The following IGF2BP2 variants were observed in gnomAD, a reference collection of about 807,000 sequenced individuals.
IGF2BP2 encodes the protein insulin like growth factor 2 mRNA binding protein 2.
Under a neutral mutation model 75.8 loss-of-function variants are expected in IGF2BP2, and 17 were observed. The observed-to-expected ratio is 0.22, with a 90% CI of 0.15 to 0.34. The LOEUF (loss-of-function observed/expected upper bound fraction) is 0.34, where lower values mean the gene tolerates loss of function less well. Among genes scored for constraint, IGF2BP2 ranks in the 10% least tolerant of loss-of-function variants. The pLI, the probability that IGF2BP2 is intolerant of heterozygous loss-of-function variation, is 1.00. For synonymous variants in IGF2BP2, 288 were observed against 295.6 expected, an observed-to-expected ratio of 0.97 and a Z score of 0.26; for missense variants, 516 against 772.4, an observed-to-expected ratio of 0.67 and a Z score of 3.93.
intron 2 of IGF2BP2, among the ~76,000 whole-genome samples, chr3:185,764,300 C>T (rs767894288): frequency 5.9e-5 from 9 of 152,144 alleles, no homozygotes; most frequent in Non-Finnish European, 1.2e-4. Context: ...ATTTTTTAAG[C>T]AGGAATGTGA....
In IGF2BP2 at chr3:185,666,628, C is replaced by CAATA. The variant is rs530756178; in HGVS notation, c.1200+5909_1200+5912dup. Among the ~76,000 whole-genome samples the CAATA allele has an allele frequency of 8.0e-3, 1,206 of 150,938 alleles. 21 individuals are homozygous for CAATA. Among genetic ancestry groups the CAATA allele is most frequent in the African/African-American group, 0.027 (1,104 of 41,068 alleles). On this transcript the variant is annotated intron_variant, in intron 10 of 15. Coordinates refer to ENST00000382199, the MANE Select transcript of IGF2BP2 (RefSeq NM_006548.6). The stretch of plus-strand genomic sequence containing the variant: ...TGGGCGACAGAGCAAGACTCCAACT[C>CAATA]AATAAATAAATAAATAAATAAATAT...
rs148582602 is a variant in IGF2BP2 at position 185,730,026 on chromosome 3, G to A, written c.240-31679C>T. Among the ~76,000 whole-genome samples, 758 of 152,222 alleles carry A rather than the reference G, an allele frequency of 5.0e-3. 3 individuals carry two copies. Among genetic ancestry groups the A allele is most frequent in the African/African-American group, 0.017 (718 of 41,524 alleles). On this transcript the variant is annotated intron_variant, in intron 2 of 15. Transcript: ENST00000382199. The stretch of plus-strand genomic sequence containing the variant: ...AGGGGTATGTGTGCAGGTTTGTTAC[G>A]TGGATATACTGCATAATGAAGTTTG...
At chr3:185,815,741 T>C (rs1193929970) in intron 2 of IGF2BP2, among the ~76,000 whole-genome samples, 2 of 152,232 alleles carry the variant, frequency 1.3e-5, no homozygotes, top group East Asian at 3.9e-4. Context: ...TATTTTTTTT[T>C]CCTTGATAAT....
intron 15 of IGF2BP2, among the ~76,000 whole-genome samples, chr3:185,646,370 C>T (rs987909215): frequency 6.6e-6 from 1 of 152,212 alleles, no homozygotes; most frequent in Non-Finnish European, 1.5e-5. Flanking sequence ...AGCAGGCTGA[C>T]AGCTTAGACA....
intron 2 of IGF2BP2, among the ~76,000 whole-genome samples, chr3:185,802,248 T>A (rs771428396): frequency 2.6e-5 from 4 of 151,388 alleles, no homozygotes; most frequent in Non-Finnish European, 5.9e-5. Flanking sequence ...GAGGTTCTGA[T>A]CACTAGTCCT....
At chr3:185,755,079 G>A (rs1477390112) in intron 2 of IGF2BP2, among the ~76,000 whole-genome samples, 1 of 152,144 alleles carries the variant, frequency 6.6e-6, no homozygotes, top group East Asian at 1.9e-4. Context: ...CAAGACAATG[G>A]GGGAAAAAAG....
intron 15 of IGF2BP2, chr3:185,646,757 G>GAACC (rs1371036245): frequency 4.3e-6 from 2 of 464,678 alleles, no homozygotes; most frequent in South Asian, 2.2e-5. Flanking sequence ...AGGGGGCTTG[G>GAACC]AACCACATGG....
At chr3:185,729,691 C>A (rs2149507813) in intron 2 of IGF2BP2, 1 of 152,264 alleles carries the variant, frequency 6.6e-6, no homozygotes, top group African/African-American at 2.4e-5. Flanking sequence ...TGGCAACTAA[C>A]CTTTAAGAAA....
chr3:185,650,794 C>T (rs1223350589), intron 13 of IGF2BP2, among the ~76,000 whole-genome samples: 1 of 152,218 alleles, frequency 6.6e-6, no homozygotes, highest in Non-Finnish European at 1.5e-5. Context: ...ATAAAAACCT[C>T]ATAACTATTG....
intron 12 of IGF2BP2, among the ~76,000 whole-genome samples, chr3:185,656,254 C>G (rs563875963): frequency 6.6e-6 from 1 of 152,372 alleles, no homozygotes; most frequent in East Asian, 1.9e-4. Context: ...TCACCTGCAG[C>G]AGGACTGCTG....
chr3:185,731,246 CTTTT>C (rs760172663), intron 2 of IGF2BP2, among the ~76,000 whole-genome samples: 3 of 129,246 alleles, frequency 2.3e-5, no homozygotes, highest in Admixed American at 7.9e-5. Context: ...GCATCACTTT[CTTTT>C]TTTTTTTTTT....
chr3:185,803,469 T>A (rs766045183), intron 2 of IGF2BP2, among the ~76,000 whole-genome samples: 1 of 152,262 alleles, frequency 6.6e-6, no homozygotes, highest in African/African-American at 2.4e-5. Context: ...TTTTCTTTAA[T>A]TGTAAGTATT....
chr3:185,822,486 A>C (rs1741489516), intron 2 of IGF2BP2, among the ~76,000 whole-genome samples: 1 of 152,232 alleles, frequency 6.6e-6, no homozygotes, highest in Non-Finnish European at 1.5e-5. Flanking sequence ...TTACTCCGTC[A>C]TTAACAACAG....
chr3:185,666,512 T>C (rs759470209), intron 10 of IGF2BP2, among the ~76,000 whole-genome samples: 21 of 152,176 alleles, frequency 1.4e-4, no homozygotes, highest in Non-Finnish European at 2.6e-4. Context: ...TGGGCATCTG[T>C]AATCCCAGCT....
intron 2 of IGF2BP2, among the ~76,000 whole-genome samples, chr3:185,817,990 T>A (rs1740828555): frequency 6.6e-6 from 1 of 152,166 alleles, no homozygotes; most frequent in South Asian, 2.1e-4. Context: ...TTTCTAACAC[T>A]GAAAAGAACA....
rs527674097 is a variant in IGF2BP2 at position 185,653,734 on chromosome 3, G to A, written c.1387-1566C>T. On this transcript the variant is annotated intron_variant, in intron 12 of 15. Coordinates refer to ENST00000382199, the MANE Select transcript of IGF2BP2 (RefSeq NM_006548.6). ...ACACACCTGCCCCAGGTTGGCCACA[G>A]ATGCAGTTCTAAGCTAAGAGCAAAT... 3.3e-5 allele frequency among the ~76,000 whole-genome samples: 5 copies of A among 152,346 alleles called. No homozygotes were observed. The South Asian group carries it at 6.2e-4, about 19-fold the overall frequency.
At chr3:185,721,208 T>G (rs1171175798) in intron 2 of IGF2BP2, among the ~76,000 whole-genome samples, 1 of 152,046 alleles carries the variant, frequency 6.6e-6, no homozygotes, top group East Asian at 1.9e-4. Context: ...TGTTTATTAT[T>G]ATTATTATTT....
chr3:185,684,168 G>A (rs1358903413), intron 7 of IGF2BP2, among the ~76,000 whole-genome samples: 1 of 152,152 alleles, frequency 6.6e-6, no homozygotes, highest in Admixed American at 6.5e-5. Context: ...ATAGAATAGT[G>A]TCTGGCACAT....
intron 2 of IGF2BP2, among the ~76,000 whole-genome samples, chr3:185,792,686 A>T (rs539301058): frequency 6.6e-6 from 1 of 151,834 alleles, no homozygotes; most frequent in Admixed American, 6.6e-5. Context: ...GAATTGTTCG[A>T]ACCCCGGAGG....
Sources: gnomAD v4.1 joint callset for allele counts (sites outside exome capture counted in the v4.1 genomes callset) on GRCh38, gnomAD v4.1.1 for gene constraint, MANE v1.5 for transcripts, NCBI Gene and HGNC (gene_info 2026-07-23, HGNC 2026-07-21) for gene names.